SASS6: variants seen among roughly 807,000 people sequenced by gnomAD.
SASS6 encodes SAS-6 centriolar assembly protein, also known as spindle assembly abnormal protein 6 homolog.
SASS6 carries 59 observed loss-of-function variants against 94.9 expected under a neutral mutation model. That is an observed-to-expected ratio of 0.62 (90% CI 0.50 to 0.77). The LOEUF is 0.77. SASS6 is among the 30% of genes least tolerant of loss of function. The pLI, the probability that SASS6 is intolerant of heterozygous loss-of-function variation, is 0.00. For missense variants in SASS6, 698 were observed against 734.1 expected (o/e 0.95, Z 0.57); for synonymous variants, 264 against 270.0 (o/e 0.98, Z 0.22).
intron 14 of SASS6, among the ~76,000 whole-genome samples, chr1:100,093,300 C>T (rs533378993): frequency 8.6e-5 from 13 of 151,814 alleles, no homozygotes; most frequent in South Asian, 4.2e-4. Context: ...CCACCTCAGC[C>T]TCCCCAACAG....
Position 100,119,133 on chromosome 1 carries a change from A to T in SASS6, c.554T>A (p.Leu185Ter). 6.5e-7 allele frequency: 1 copy of T among 1,548,374 alleles called. No individual in the cohort carries two copies. Among genetic ancestry groups the T allele is most frequent in the Non-Finnish European group, 8.8e-7 (1 of 1,131,660 alleles). ...TKQLDFTRKT[L>*]AEKKQELDKL... ...ATCTAATTCTTGTTTTTTTTCTGCT[A>T]ATGTCTACATTAGAGTTTAACACAA... Residue 185 changes from leucine to a stop codon, truncating the protein, a stop_gained, in exon 7 of 17, where the codon TTA becomes TAA. Transcript: ENST00000287482. LOFTEE classifies it high-confidence loss of function.
intron 14 of SASS6, among the ~76,000 whole-genome samples, chr1:100,102,385 C>T (rs946435237): frequency 2.6e-5 from 4 of 151,996 alleles, no homozygotes; most frequent in Non-Finnish European, 4.4e-5. Flanking sequence ...TGAATAAAAA[C>T]GGAAAGGCTG....
At chr1:100,121,635 G>T in intron 4 of SASS6, 86 bp from the exon 5 acceptor site, 2 of 769,308 alleles carry the variant, frequency 2.6e-6, no homozygotes, top group Non-Finnish European at 4.3e-6. Context: ...ACTTAAGAAA[G>T]CTCAGGAAAG....
chr1:100,128,822 C>G (rs1654811081), intron 1 of SASS6, among the ~76,000 whole-genome samples: 1 of 151,852 alleles, frequency 6.6e-6, no homozygotes, highest in South Asian at 2.1e-4. Flanking sequence ...CTTGCTTTAG[C>G]ACAACTGGAT....
chr1:100,121,256 C>A, intron 5 of SASS6, 122 bp downstream of exon 5: 3 of 589,736 alleles, frequency 5.1e-6, no homozygotes, highest in Non-Finnish European at 8.7e-6. Context: ...AAAATAAATT[C>A]GTTATATTTC....
chr1:100,086,170 A>ATAT (rs1223815145), intron 15 of SASS6, among the ~76,000 whole-genome samples: 1 of 152,136 alleles, frequency 6.6e-6, no homozygotes, highest in Non-Finnish European at 1.5e-5. Context: ...TCCTTTCTAA[A>ATAT]TACATCCAGT....
intron 2 of SASS6, among the ~76,000 whole-genome samples, chr1:100,124,527 TG>T (rs1654427173): frequency 6.6e-6 from 1 of 151,922 alleles, no homozygotes; most frequent in Non-Finnish European, 1.5e-5. Context: ...ACTACAGGAG[TG>T]TGCCACCACA....
chr1:100,096,259 C>G (rs1467656233), intron 14 of SASS6, among the ~76,000 whole-genome samples: 1 of 152,112 alleles, frequency 6.6e-6, no homozygotes, highest in Admixed American at 6.5e-5. Flanking sequence ...AACTGATTTT[C>G]AACAAAGGTG....
At chr1:100,093,134 A>G (rs982533411) in intron 14 of SASS6, among the ~76,000 whole-genome samples, 1 of 151,996 alleles carries the variant, frequency 6.6e-6, no homozygotes, top group Non-Finnish European at 1.5e-5. Flanking sequence ...GATATATTTA[A>G]AGAACATTAT....
intron 14 of SASS6, among the ~76,000 whole-genome samples, chr1:100,089,990 T>C (rs1651565461): frequency 6.6e-6 from 1 of 152,010 alleles, no homozygotes; most frequent in African/African-American, 2.4e-5. Flanking sequence ...AGTATATTAT[T>C]GTAACAGTCT....
intron 13 of SASS6, among the ~76,000 whole-genome samples, chr1:100,104,150 A>G (rs1014869216): frequency 6.6e-6 from 1 of 152,248 alleles, no homozygotes; most frequent in Non-Finnish European, 1.5e-5. Context: ...TATTAAGGTC[A>G]AAGCTGTAAT....
rs750474486 is a variant in SASS6 at position 100,123,324 on chromosome 1, C to T, written c.127-35G>A. 1.9e-5 allele frequency: 19 copies of T among 1,006,436 alleles called. No homozygotes were observed. In the East Asian group the frequency reaches 4.4e-4, roughly 23 times the overall value. The allele number at this position is 1,006,436 out of a possible 1,614,324, so 62.3% of individuals were successfully genotyped here. On this transcript the variant is annotated intron_variant, in intron 2 of 16. Transcript: ENST00000287482. ...AGTTTGTTGTTTTTAAATGTTTTTA[C>T]TAGATCTGGCCTTTTGAGTAATTTC...
intron 15 of SASS6, among the ~76,000 whole-genome samples, chr1:100,087,925 AAAT>A (rs1473141964): frequency 6.6e-6 from 1 of 152,208 alleles, no homozygotes; most frequent in Non-Finnish European, 1.5e-5. Context: ...CCACATTAAA[AAAT>A]AATGAGTAGA....
In SASS6 at chr1:100,085,092, A is replaced by G. The variant is rs1651140459; in HGVS notation, c.*236T>C. 6.6e-6 allele frequency: 3 copies of G among 454,014 alleles called. No homozygotes were observed. Among genetic ancestry groups the G allele is most frequent in the East Asian group, 3.5e-5 (1 of 28,704 alleles). 28.1% of individuals were successfully genotyped at this position (454,014 alleles called of 1,614,324 possible). A position where few individuals can be genotyped will look rare whatever the true frequency, so the allele number is the denominator to read the frequency against. ...CTTAATAAAATTCATATTATTCTATAAAACGCCATGTTCACAAACCAAAAA... is the reference window on the plus strand; with the variant it reads ...CTTAATAAAATTCATATTATTCTATGAAACGCCATGTTCACAAACCAAAAA... On this transcript the variant is annotated 3_prime_UTR_variant, in exon 17 of 17. Transcript: ENST00000287482.
intron 5 of SASS6, among the ~76,000 whole-genome samples, chr1:100,120,667 T>C (rs1189517344): frequency 6.6e-6 from 1 of 152,198 alleles, no homozygotes; most frequent in African/African-American, 2.4e-5. Flanking sequence ...AGAAAGACTC[T>C]AAAAACTCAA....
intron 14 of SASS6, among the ~76,000 whole-genome samples, chr1:100,097,589 C>T (rs932609829): frequency 6.6e-6 from 1 of 152,214 alleles, no homozygotes. Flanking sequence ...CTTTGGGAGG[C>T]TGAGGCAGGC....
intron 14 of SASS6, among the ~76,000 whole-genome samples, chr1:100,091,290 CTT>C (rs751314834): frequency 1.8e-4 from 27 of 151,992 alleles, no homozygotes; most frequent in Non-Finnish European, 1.5e-4. Flanking sequence ...GAGTGAAACT[CTT>C]TTGAAAAAAA....
intron 1 of SASS6, among the ~76,000 whole-genome samples, chr1:100,130,676 G>A (rs764230184): frequency 7.8e-6 from 1 of 127,820 alleles, no homozygotes; most frequent in South Asian, 2.9e-4. Flanking sequence ...GCAACAGAGC[G>A]AGACTCTGTC....
chr1:100,108,670 T>G (rs1165493972), intron 8 of SASS6, among the ~76,000 whole-genome samples: 1 of 152,102 alleles, frequency 6.6e-6, no homozygotes, highest in Non-Finnish European at 1.5e-5. Flanking sequence ...AATTATACAG[T>G]ATTGTGACTA....
Sources: gnomAD v4.1 joint callset for allele counts (sites outside exome capture counted in the v4.1 genomes callset) on GRCh38, gnomAD v4.1.1 for gene constraint, MANE v1.5 for transcripts, NCBI Gene and HGNC (gene_info 2026-07-23, HGNC 2026-07-21) for gene names.